CLCN4: variants seen among roughly 807,000 people sequenced by gnomAD.
The protein encoded by CLCN4 is Cl-/H+ antiporter 4.
In CLCN4, 1 loss-of-function variant was observed where a neutral mutation model predicts 41.7. The observed-to-expected ratio is 0.02, with a 90% CI of 0.01 to 0.11. The LOEUF (loss-of-function observed/expected upper bound fraction) is 0.11. Among genes scored for constraint, CLCN4 ranks in the 10% least tolerant of loss-of-function variants. The pLI is 1.00. For missense variants in CLCN4, 287 were observed against 661.0 expected, an observed-to-expected ratio of 0.43 and a Z score of 6.20; for synonymous variants, 277 against 285.8, an observed-to-expected ratio of 0.97 and a Z score of 0.31.
chrX:10,223,672 G>A (rs1924913861), intron 12 of CLCN4, among the ~76,000 whole-genome samples: 1 of 111,734 alleles, frequency 8.9e-6, no homozygotes, highest in South Asian at 3.7e-4. Flanking sequence ...GGGGTTCAAG[G>A]GGCATCATAA....
chrX:10,195,784 T>C (rs1384632653), intron 5 of CLCN4, among the ~76,000 whole-genome samples: 1 of 112,644 alleles, frequency 8.9e-6, no homozygotes, highest in Non-Finnish European at 1.9e-5. Flanking sequence ...CCTAGCATCA[T>C]GTTTCCAGAC....
intron 12 of CLCN4, among the ~76,000 whole-genome samples, chrX:10,229,879 G>A (rs908521429): frequency 2.7e-5 from 3 of 112,135 alleles, no homozygotes; most frequent in Non-Finnish European, 3.8e-5. Context: ...CTTTATAGCA[G>A]CATGATTTAT....
At chrX:10,214,542 C>T (rs139537118) in intron 11 of CLCN4, among the ~76,000 whole-genome samples, 1,266 of 112,997 alleles carry the variant, frequency 0.011, 6 homozygotes, top group Non-Finnish European at 0.018. Flanking sequence ...GCTGAGATCA[C>T]GAGTTCTCTG....
chrX:10,230,641 T>C (rs1305372444), intron 12 of CLCN4, among the ~76,000 whole-genome samples: 1 of 112,073 alleles, frequency 8.9e-6, no homozygotes, highest in Non-Finnish European at 1.9e-5. Context: ...GAACTCAGCA[T>C]CTCACCGCAA....
chrX:10,212,663 T>A lies in CLCN4; in HGVS notation c.1576+10T>A. On this transcript the variant is annotated intron_variant, in intron 10 of 12. Coordinates refer to ENST00000380833, the MANE Select transcript of CLCN4 (RefSeq NM_001830.4). ...GCTGCGGCCTGCCTCGGTACGACCA[T>A]GGGTGGGGCAGGGAGGGGGACCGGG... 1 of 1,182,338 alleles carries A rather than the reference T, an allele frequency of 8.5e-7. No homozygotes were observed.
intron 2 of CLCN4, among the ~76,000 whole-genome samples, chrX:10,169,778 TTTCTTTTCTTTTC>T (rs1473151486): frequency 2.3e-5 from 2 of 85,207 alleles, no homozygotes; most frequent in Admixed American, 1.2e-4. Context: ...TTTTTTTCTT[TTTCTTTTCTTTTC>T]TTTTTTTTTT....
intron 10 of CLCN4, 102 bp from the exon 11 acceptor site, chrX:10,213,579 G>C: frequency 2.6e-6 from 2 of 761,518 alleles, no homozygotes; most frequent in Non-Finnish European, 3.9e-6. Flanking sequence ...CTTGGAACAG[G>C]TGTGAGGGGA....
At chrX:10,174,174 T>G (rs918014748) in intron 2 of CLCN4, among the ~76,000 whole-genome samples, 3 of 112,081 alleles carry the variant, frequency 2.7e-5, no homozygotes, top group African/African-American at 9.7e-5. Context: ...TGGTTCCAAG[T>G]TAGCCACTAC....
At chrX:10,191,277 G>A (rs1923953590) in intron 4 of CLCN4, among the ~76,000 whole-genome samples, 1 of 112,194 alleles carries the variant, frequency 8.9e-6, no homozygotes, top group Non-Finnish European at 1.9e-5. Flanking sequence ...CATATAAATG[G>A]AATCATACAA....
At chrX:10,160,510 C>T (rs1435049721) in intron 2 of CLCN4, among the ~76,000 whole-genome samples, 1 of 111,247 alleles carries the variant, frequency 9.0e-6, no homozygotes, top group African/African-American at 3.3e-5. Context: ...ACCTGGAGCA[C>T]GTCCCTGGAC....
intron 8 of CLCN4, among the ~76,000 whole-genome samples, chrX:10,207,421 G>A (rs5979279): frequency 0.066 from 7,359 of 112,004 alleles, 545 homozygotes; most frequent in African/African-American, 0.21. Context: ...TGTGGGCCAT[G>A]CAATTTCTGT....
chrX:10,195,086 G>C lies in CLCN4; in HGVS notation c.420G>C (p.Val140=). 8.3e-7 allele frequency: 1 copy of C among 1,211,489 alleles called. No homozygotes were observed. The highest frequency in any genetic ancestry group is 1.1e-6 in the Non-Finnish European group (1 of 895,318). ...PLWQKWSELL[V]NQSEGASAYI... ...GGCAGAAATGGTCGGAGCTGCTGGT[G>C]AATCAGTCAGAGGTGGGTATTTGGG... Residue 140 remains valine (V), a synonymous_variant, in exon 5 of 13, where the codon GTG becomes GTC. Transcript: ENST00000380833.
chrX:10,222,341 A>G (rs1472739223), intron 12 of CLCN4, among the ~76,000 whole-genome samples: 4 of 111,759 alleles, frequency 3.6e-5, no homozygotes, highest in Non-Finnish European at 7.5e-5. Context: ...TTATCTGCCC[A>G]TTTTATTCCT....
At chrX:10,199,439 T>C (rs1924179476) in intron 6 of CLCN4, among the ~76,000 whole-genome samples, 1 of 112,546 alleles carries the variant, frequency 8.9e-6, no homozygotes, top group African/African-American at 3.2e-5. Context: ...TGGAAGTGGG[T>C]GTCGCAAGGG....
intron 2 of CLCN4, among the ~76,000 whole-genome samples, chrX:10,159,504 G>A (rs777847967): frequency 1.0e-4 from 11 of 110,479 alleles, no homozygotes; most frequent in African/African-American, 3.3e-4. Context: ...ACGTGTGGGG[G>A]CACCCTTAGG....
At chrX:10,187,044 G>A (rs978874990) in intron 3 of CLCN4, among the ~76,000 whole-genome samples, 3 of 111,995 alleles carry the variant, frequency 2.7e-5, no homozygotes, top group African/African-American at 9.7e-5. Flanking sequence ...TGTGGGAGAC[G>A]TGATCTGTGC....
intron 2 of CLCN4, among the ~76,000 whole-genome samples, chrX:10,166,858 C>T: frequency 8.9e-6 from 1 of 111,922 alleles, no homozygotes; most frequent in South Asian, 3.8e-4. Flanking sequence ...AACACTGAGG[C>T]CATTGTGTCA....
chrX:10,163,106 GC>G (rs778482068), intron 2 of CLCN4, among the ~76,000 whole-genome samples: 25 of 113,664 alleles, frequency 2.2e-4, no homozygotes, highest in Non-Finnish European at 3.9e-4. Flanking sequence ...TGCTCCAGGT[GC>G]CCCCATCACA....
At chrX:10,222,606 CA>C (rs1282717444) in intron 12 of CLCN4, among the ~76,000 whole-genome samples, 1 of 111,086 alleles carries the variant, frequency 9.0e-6, no homozygotes, top group African/African-American at 3.3e-5. Context: ...GAGTAGAGGT[CA>C]GGGGCGCTGC....
Sources: gnomAD v4.1 joint callset for allele counts (sites outside exome capture counted in the v4.1 genomes callset) on GRCh38, gnomAD v4.1.1 for gene constraint, MANE v1.5 for transcripts, NCBI Gene and HGNC (gene_info 2026-07-23, HGNC 2026-07-21) for gene names.